SNX10: variants seen among roughly 807,000 people sequenced by gnomAD.
SNX10 encodes the protein sorting nexin-10.
In SNX10, 25 loss-of-function variants were observed where a neutral mutation model predicts 28.5. The ratio of observed to expected loss-of-function variants is 0.88; its 90% CI spans 0.64 to 1.22. The LOEUF (loss-of-function observed/expected upper bound fraction) is 1.22, where lower values mean the gene tolerates loss of function less well. SNX10 is among the 50% of genes most tolerant of loss of function. The pLI is 0.00. For synonymous variants in SNX10, 62 were observed against 81.4 expected (o/e 0.76, Z 1.28); for missense variants, 223 against 242.6 (o/e 0.92, Z 0.54).
chr7:26,371,819 A>T lies in SNX10; in HGVS notation c.312-2A>T. The stretch of plus-strand genomic sequence containing the variant: ...TTATTTTTCCTTTTTTTTTTAATAT[A>T]GAGTCCTACAGAATGCACTTTTGCT... On this transcript the variant is annotated splice_acceptor_variant, in intron 5 of 6. Coordinates refer to ENST00000338523, the MANE Select transcript of SNX10 (RefSeq NM_013322.3). LOFTEE classifies it high-confidence loss of function. 6.3e-7 allele frequency: 1 copy of T among 1,596,006 alleles called. No homozygotes were observed. Among genetic ancestry groups the T allele is most frequent in the Non-Finnish European group, 8.6e-7 (1 of 1,168,810 alleles).
At chr7:26,357,038 GA>G in intron 2 of SNX10, 1 of 1,201,144 alleles carries the variant, frequency 8.3e-7, no homozygotes, top group Non-Finnish European at 1.1e-6. Context: ...GATACTAATG[GA>G]AGGCATTGGA....
intron 1 of SNX10, among the ~76,000 whole-genome samples, chr7:26,331,451 T>G (rs2128004829): frequency 6.6e-6 from 1 of 152,190 alleles, no homozygotes; most frequent in African/African-American, 2.4e-5. Context: ...CTGGGCATGG[T>G]GGCCCATGCC....
At chr7:26,340,003 C>CA (rs1788118839) in intron 1 of SNX10, among the ~76,000 whole-genome samples, 1 of 145,378 alleles carries the variant, frequency 6.9e-6, no homozygotes, top group Non-Finnish European at 1.5e-5. Context: ...AAGTCTTTGC[C>CA]GTTTTTTTTT....
At chr7:26,325,871 G>C (rs1474981456) in intron 1 of SNX10, among the ~76,000 whole-genome samples, 1 of 151,746 alleles carries the variant, frequency 6.6e-6, no homozygotes, top group Non-Finnish European at 1.5e-5. Flanking sequence ...GATACTACAG[G>C]TGTTCACCAC....
At position 26,351,646 on chromosome 7, in the gene SNX10, G is replaced by T. The variant is rs982894053; in HGVS notation, c.24+5180G>T. Among the ~76,000 whole-genome samples, 4 of 112,626 alleles carry T rather than the reference G, an allele frequency of 3.6e-5. 1 individual carries two copies. Among genetic ancestry groups the T allele is most frequent in the South Asian group, 3.8e-4 (1 of 2,644 alleles). 73.9% of individuals were successfully genotyped at this position (112,626 alleles called of 152,430 possible). ...AAAACTAAAGCAATCAAGCAGTCTG[G>T]TTTTTTTTTTTTGTTTTTTTTTTTT... On this transcript the variant is annotated intron_variant, in intron 2 of 6. Transcript: ENST00000338523.
chr7:26,300,749 G>A (rs1201704176), intron 1 of SNX10, among the ~76,000 whole-genome samples: 1 of 152,022 alleles, frequency 6.6e-6, no homozygotes, highest in African/African-American at 2.4e-5. Flanking sequence ...GCCGAGCACC[G>A]TGTCTCTCAC....
At chr7:26,308,429 T>A (rs987449341) in intron 1 of SNX10, among the ~76,000 whole-genome samples, 1 of 152,192 alleles carries the variant, frequency 6.6e-6, no homozygotes, top group African/African-American at 2.4e-5. Flanking sequence ...TCTGTTAGTA[T>A]TGGGTCATGT....
intron 1 of SNX10, among the ~76,000 whole-genome samples, chr7:26,305,602 A>G (rs1007665811): frequency 6.6e-6 from 1 of 152,096 alleles, no homozygotes; most frequent in Non-Finnish European, 1.5e-5. Flanking sequence ...AGATGATCAG[A>G]CCCTGAGAAA....
intron 1 of SNX10, among the ~76,000 whole-genome samples, chr7:26,344,555 C>A (rs1788305568): frequency 6.6e-6 from 1 of 152,176 alleles, no homozygotes; most frequent in Admixed American, 6.5e-5. Context: ...TTTCATTTGG[C>A]CTGTGTCCTC....
chr7:26,342,437 T>G (rs1476438638), intron 1 of SNX10, among the ~76,000 whole-genome samples: 1 of 152,212 alleles, frequency 6.6e-6, no homozygotes, highest in Admixed American at 6.5e-5. Context: ...TCCCCACCAG[T>G]AAATGCCATG....
intron 1 of SNX10, among the ~76,000 whole-genome samples, chr7:26,310,660 GAGGA>G (rs1176753506): frequency 1.3e-5 from 2 of 149,316 alleles, no homozygotes; most frequent in African/African-American, 5.0e-5. Flanking sequence ...CGAGGGGACT[GAGGA>G]AGGATCTGGC....
chr7:26,293,938 A>G (rs1786017936), intron 1 of SNX10, among the ~76,000 whole-genome samples: 1 of 152,160 alleles, frequency 6.6e-6, no homozygotes, highest in Non-Finnish European at 1.5e-5. Context: ...GGAGCAGTGG[A>G]TATCTTTTCT....
chr7:26,345,179 C>G lies in SNX10; in HGVS notation c.-23-1241C>G, dbSNP rs537620988. On this transcript the variant is annotated intron_variant, in intron 1 of 6. Transcript: ENST00000338523. Reference sequence around the variant, plus strand: ...CTCTTTTTTCAAATAAAGTCACATTCACAGGTTCTGTGGATCAGGACATGG... The same window carrying G: ...CTCTTTTTTCAAATAAAGTCACATTGACAGGTTCTGTGGATCAGGACATGG... Among the ~76,000 whole-genome samples, 3 of 152,308 alleles carry G rather than the reference C, an allele frequency of 2.0e-5. No homozygotes were observed. The South Asian group carries it at 6.2e-4, about 32-fold the overall frequency.
intron 1 of SNX10, among the ~76,000 whole-genome samples, chr7:26,293,575 CAAA>C (rs920246040): frequency 1.3e-5 from 2 of 152,106 alleles, no homozygotes; most frequent in African/African-American, 4.8e-5. Context: ...AATAAAAATA[CAAA>C]AATAAAATAC....
intron 1 of SNX10, among the ~76,000 whole-genome samples, chr7:26,309,532 A>C (rs138397709): frequency 4.6e-5 from 7 of 152,144 alleles, no homozygotes; most frequent in African/African-American, 1.2e-4. Flanking sequence ...AATGCACTGC[A>C]CTTTTCTCAG....
At chr7:26,355,702 G>GA (rs575432628) in intron 2 of SNX10, among the ~76,000 whole-genome samples, 2 of 152,120 alleles carry the variant, frequency 1.3e-5, no homozygotes, top group Non-Finnish European at 2.9e-5. Flanking sequence ...AATAAAAGCA[G>GA]AAAAAACTTC....
chr7:26,316,306 C>T (rs1374080062), intron 1 of SNX10, among the ~76,000 whole-genome samples: 2 of 152,022 alleles, frequency 1.3e-5, no homozygotes, highest in Non-Finnish European at 2.9e-5. Context: ...CACATGATTT[C>T]AGACCTGACA....
chr7:26,304,094 G>A (rs1301080663), intron 1 of SNX10, among the ~76,000 whole-genome samples: 1 of 152,210 alleles, frequency 6.6e-6, no homozygotes, highest in Non-Finnish European at 1.5e-5. Flanking sequence ...AAAGCGAGAT[G>A]TGGGAACGTG....
At chr7:26,362,052 A>AC (rs1331283684) in intron 3 of SNX10, among the ~76,000 whole-genome samples, 2 of 151,558 alleles carry the variant, frequency 1.3e-5, no homozygotes, top group African/African-American at 2.4e-5. Context: ...ACACCCAAAC[A>AC]CCAGCTGTAG....
Sources: gnomAD v4.1 joint callset for allele counts (sites outside exome capture counted in the v4.1 genomes callset) on GRCh38, gnomAD v4.1.1 for gene constraint, MANE v1.5 for transcripts, NCBI Gene and HGNC (gene_info 2026-07-23, HGNC 2026-07-21) for gene names.